Variants in PI4KA observed in about 807,000 individuals in gnomAD.
The protein encoded by PI4KA is phosphatidylinositol 4-kinase alpha, also known as PI4-kinase alpha.
In PI4KA, 122 loss-of-function variants were observed where a neutral mutation model predicts 271.4. The observed-to-expected ratio is 0.45, with a 90% CI of 0.39 to 0.52. The LOEUF (loss-of-function observed/expected upper bound fraction) is 0.52. PI4KA is among the 20% of genes least tolerant of loss of function. PI4KA has a pLI of 0.00. For missense variants in PI4KA, 1,969 were observed against 2,769.1 expected, an observed-to-expected ratio of 0.71 and a Z score of 6.48; for synonymous variants, 1,041 against 1,078.8, an observed-to-expected ratio of 0.96 and a Z score of 0.69.
chr22:20,790,586 A>G (rs918882381), intron 19 of PI4KA, among the ~76,000 whole-genome samples: 8 of 152,046 alleles, frequency 5.3e-5, no homozygotes, highest in Admixed American at 5.2e-4. Flanking sequence ...GCTTGAACCC[A>G]GGAGATGGAA....
chr22:20,718,768 G>C lies in PI4KA; in HGVS notation c.5171C>G (p.Ser1724Cys). 6.2e-7 allele frequency: 1 copy of C among 1,614,012 alleles called. No homozygotes were observed. ...QLVEEITGSL[S>C]GPAKDFYQRE... ...CTGGTAAAAGTCCTTCGCTGGGCCG[G>C]ACAAGGAGCCTGTGATCTCCTCTAC... The change falls in exon 44 of 55, where the codon TCC (serine) becomes TGC (cysteine). Residue 1724 changes from serine (S) to cysteine (C), a missense_variant. Physicochemically the swap from Ser to Cys is moderately radical, Grantham distance 112. Transcript: ENST00000255882.
chr22:20,719,280 G>A (rs564957783), intron 43 of PI4KA, among the ~76,000 whole-genome samples: 8 of 151,904 alleles, frequency 5.3e-5, no homozygotes, highest in Non-Finnish European at 1.0e-4. Context: ...CACAGTGGGC[G>A]GGGCTCTATA....
chr22:20,732,944 A>G (rs1231397299), intron 36 of PI4KA, 27 bp downstream of exon 36: 3 of 1,610,714 alleles, frequency 1.9e-6, no homozygotes, highest in Non-Finnish European at 2.5e-6. Context: ...TGCCTCCACC[A>G]TGAGCAGCTG....
intron 32 of PI4KA, among the ~76,000 whole-genome samples, chr22:20,739,470 A>G (rs1171132045): frequency 8.5e-6 from 1 of 117,380 alleles, no homozygotes. Flanking sequence ...TGTCTTCAGG[A>G]AAAAAAAAAA....
intron 1 of PI4KA, among the ~76,000 whole-genome samples, chr22:20,843,560 G>C (rs983377531): frequency 4.6e-5 from 7 of 152,168 alleles, no homozygotes; most frequent in African/African-American, 1.7e-4. Flanking sequence ...GTGCTGCACT[G>C]ATATGCTTAC....
intron 1 of PI4KA, among the ~76,000 whole-genome samples, chr22:20,856,703 G>A (rs1927642352): frequency 6.6e-6 from 1 of 152,122 alleles, no homozygotes; most frequent in South Asian, 2.1e-4. Flanking sequence ...AAAGTGCTGG[G>A]ATTACAGGCA....
intron 38 of PI4KA, 37 bp from the exon 39 acceptor site, chr22:20,729,543 T>G: frequency 6.4e-7 from 1 of 1,554,652 alleles, no homozygotes; most frequent in Non-Finnish European, 8.7e-7. Flanking sequence ...TATGCACCCC[T>G]TCTGTGAGTG....
At chr22:20,828,326 CCTAT>C (rs1156554580) in intron 3 of PI4KA, among the ~76,000 whole-genome samples, 4 of 152,088 alleles carry the variant, frequency 2.6e-5, no homozygotes, top group Non-Finnish European at 5.9e-5. Context: ...TTCCTCTCTT[CCTAT>C]CTGGATGCCT....
intron 30 of PI4KA, among the ~76,000 whole-genome samples, chr22:20,744,423 C>A (rs1412160568): frequency 7.1e-6 from 1 of 140,192 alleles, no homozygotes; most frequent in African/African-American, 2.8e-5. Flanking sequence ...CAGAGTTACC[C>A]TCTTGTGGAA....
At chr22:20,770,721 T>C (rs1038713377) in intron 19 of PI4KA, among the ~76,000 whole-genome samples, 1 of 151,966 alleles carries the variant, frequency 6.6e-6, no homozygotes, top group Non-Finnish European at 1.5e-5. Context: ...CAGGAGTTGT[T>C]CTACTACACT....
intron 19 of PI4KA, chr22:20,786,949 G>A (rs200888884): frequency 6.2e-7 from 1 of 1,614,152 alleles, no homozygotes; most frequent in Non-Finnish European, 8.5e-7. Context: ...TGGGGTTCAT[G>A]CCGCTGTCCA....
intron 3 of PI4KA, among the ~76,000 whole-genome samples, chr22:20,828,448 T>C (rs1238639635): frequency 6.6e-6 from 1 of 152,200 alleles, no homozygotes; most frequent in African/African-American, 2.4e-5. Context: ...TCAAGGGGAA[T>C]GCTTCGAGCT....
chr22:20,730,447 G>T (rs1266406534), intron 36 of PI4KA, among the ~76,000 whole-genome samples: 5 of 151,746 alleles, frequency 3.3e-5, no homozygotes, highest in Non-Finnish European at 4.4e-5. Flanking sequence ...GTTAATTTTT[G>T]TATTTTTAGT....
intron 45 of PI4KA, among the ~76,000 whole-genome samples, chr22:20,716,402 C>G (rs923521683): frequency 1.1e-4 from 17 of 152,134 alleles, no homozygotes; most frequent in Non-Finnish European, 1.9e-4. Context: ...AATAAGAGGA[C>G]AAGGGAAAGC....
At chr22:20,763,027 G>T (rs1293962316) in intron 22 of PI4KA, among the ~76,000 whole-genome samples, 12 of 38,612 alleles carry the variant, frequency 3.1e-4, no homozygotes, top group East Asian at 9.2e-4. Context: ...TGGGGGGGGG[G>T]GGGGTTAGAG....
At chr22:20,762,271 G>A (rs1932046521) in intron 22 of PI4KA, among the ~76,000 whole-genome samples, 1 of 152,170 alleles carries the variant, frequency 6.6e-6, no homozygotes, top group Non-Finnish European at 1.5e-5. Context: ...AGGAGGGCAG[G>A]CCAGGTGACT....
intron 1 of PI4KA, among the ~76,000 whole-genome samples, chr22:20,849,952 G>T (rs1191761333): frequency 2.0e-5 from 3 of 152,182 alleles, no homozygotes; most frequent in Non-Finnish European, 4.4e-5. Context: ...GAGACAGAAA[G>T]TAAACTAGTG....
chr22:20,784,808 A>G (rs1445598651), intron 19 of PI4KA, among the ~76,000 whole-genome samples: 1 of 152,192 alleles, frequency 6.6e-6, no homozygotes, highest in Non-Finnish European at 1.5e-5. Context: ...CATGGCAGAA[A>G]GAATGGAGAG....
chr22:20,834,493 A>T, intron 3 of PI4KA, 69 bp downstream of exon 3: 1 of 944,930 alleles, frequency 1.1e-6, no homozygotes, highest in Non-Finnish European at 1.7e-6. Context: ...ATGAATAAAC[A>T]CTTGATCCTA....
Sources: allele counts gnomAD v4.1 joint callset (sites outside exome capture counted in the v4.1 genomes callset), GRCh38; gene constraint gnomAD v4.1.1; transcripts MANE v1.5; gene names NCBI Gene and HGNC (gene_info 2026-07-23, HGNC 2026-07-21).